The following DAB1 variants were observed in gnomAD, a reference collection of about 807,000 sequenced individuals.
DAB1 encodes the protein disabled homolog 1.
A neutral mutation model predicts 64.6 loss-of-function variants in DAB1; 15 were observed. The ratio of observed to expected loss-of-function variants is 0.23; its 90% CI spans 0.16 to 0.36. The LOEUF is 0.36. Ranked by LOEUF, DAB1 falls within the 10% of genes least tolerant of loss-of-function variation. DAB1 has a pLI of 1.00. For missense variants in DAB1, 596 were observed against 706.7 expected (o/e 0.84, Z 1.78); for synonymous variants, 235 against 251.9 (o/e 0.93, Z 0.64).
intron 5 of DAB1, among the ~76,000 whole-genome samples, chr1:57,951,332 A>ATATATATATATATATATATATATATCT (rs1491577001): frequency 3.1e-5 from 4 of 127,716 alleles, no homozygotes; most frequent in South Asian, 2.3e-4. Flanking sequence ...ATATATATAT[A>ATATATATATATATATATATATATATCT]CTTCCCTGGA....
chr1:58,541,981 G>T (rs979750630), intron 1 of DAB1, among the ~76,000 whole-genome samples: 8 of 152,098 alleles, frequency 5.3e-5, no homozygotes, highest in Non-Finnish European at 1.2e-4. Context: ...TTCAACCTAA[G>T]CTAATACGAT....
chr1:57,723,224 A>G (rs1468232638), intron 6 of DAB1, among the ~76,000 whole-genome samples: 1 of 152,188 alleles, frequency 6.6e-6, no homozygotes, highest in African/African-American at 2.4e-5. Context: ...CTGTGTGACC[A>G]CGGGCAAGTT....
chr1:57,656,650 C>T (rs1185603354), intron 6 of DAB1, among the ~76,000 whole-genome samples: 1 of 152,190 alleles, frequency 6.6e-6, no homozygotes, highest in Non-Finnish European at 1.5e-5. Context: ...TTCATAGGTA[C>T]TACAGAGTAA....
In DAB1 at chr1:57,963,630, A is replaced by C. The variant is rs188680839; in HGVS notation, n.388-79468T>G. Among the ~76,000 whole-genome samples, 430 of 152,252 alleles carry C rather than the reference A, an allele frequency of 2.8e-3. 4 individuals are homozygous for C. Among genetic ancestry groups the C allele is most frequent in the African/African-American group, 9.6e-3 (397 of 41,534 alleles). On this transcript the variant is annotated intron_variant and non_coding_transcript_variant, in intron 5 of 20. Coordinates refer to the DAB1 transcript ENST00000485760. Reference sequence around the variant, plus strand: ...ACCCTTTGAGCTGATCATTTCTCTCAATCTAGCCCAGAATCAGTCCTGAAA... The same window carrying C: ...ACCCTTTGAGCTGATCATTTCTCTCCATCTAGCCCAGAATCAGTCCTGAAA...
At chr1:57,454,299 A>G (rs938071675) in intron 7 of DAB1, among the ~76,000 whole-genome samples, 5 of 152,216 alleles carry the variant, frequency 3.3e-5, no homozygotes, top group Admixed American at 6.5e-5. Context: ...TATGGTACAT[A>G]TATACCATGG....
intron 5 of DAB1, among the ~76,000 whole-genome samples, chr1:58,042,150 A>C (rs10789058): frequency 0.46 from 69,669 of 152,064 alleles, 16,214 homozygotes; most frequent in African/African-American, 0.52. Context: ...CATAGCCATG[A>C]ACAAAGAGGA....
chr1:58,392,840 T>C (rs1453258363), intron 3 of DAB1, among the ~76,000 whole-genome samples: 1 of 152,198 alleles, frequency 6.6e-6, no homozygotes, highest in East Asian at 1.9e-4. Context: ...TTTGAGTTTG[T>C]TAGTGTTTCC....
At chr1:57,984,210 AAGAAAG>A (rs1356083914) in intron 5 of DAB1, among the ~76,000 whole-genome samples, 4 of 146,680 alleles carry the variant, frequency 2.7e-5, no homozygotes, top group African/African-American at 1.0e-4. Context: ...GAAAGAAAGA[AAGAAAG>A]AAAGAAAGAA....
chr1:57,207,862 T>C (rs1467012763), intron 2 of DAB1, among the ~76,000 whole-genome samples: 1 of 152,140 alleles, frequency 6.6e-6, no homozygotes, highest in East Asian at 1.9e-4. Context: ...TTTTTATAAG[T>C]TTAATAAAGG....
intron 5 of DAB1, among the ~76,000 whole-genome samples, chr1:57,982,933 G>A (rs777726029): frequency 2.6e-5 from 4 of 152,084 alleles, no homozygotes; most frequent in African/African-American, 4.8e-5. Context: ...TAGGTATTGC[G>A]GTTCTACTTT....
Position 57,287,006 on chromosome 1 carries a change from T to G in DAB1, c.67+3958A>C, listed in dbSNP as rs539836552. ...AAAAAGCCTATGATAAAATTCAACA[T>G]GCAAATTTAGAATTTAAAAACACTT... On this transcript the variant is annotated intron_variant, in intron 2 of 14. Coordinates refer to ENST00000371236, the MANE Select transcript of DAB1 (RefSeq NM_001365792.1). Among the ~76,000 whole-genome samples, 117 of 152,356 alleles carry G rather than the reference T, an allele frequency of 7.7e-4. No individual in the cohort carries two copies. The Middle Eastern group carries it at 0.017, about 22-fold the overall frequency.
chr1:57,327,465 T>C (rs1676264538), intron 1 of DAB1, among the ~76,000 whole-genome samples: 1 of 152,168 alleles, frequency 6.6e-6, no homozygotes, highest in African/African-American at 2.4e-5. Context: ...CCTCTCTATG[T>C]GACCTGCAAG....
At chr1:57,055,053 T>G (rs1649608713) in intron 9 of DAB1, among the ~76,000 whole-genome samples, 2 of 152,190 alleles carry the variant, frequency 1.3e-5, no homozygotes, top group Admixed American at 1.3e-4. Flanking sequence ...CCCTCCTTTC[T>G]GAAACCTCCG....
chr1:57,933,935 G>A (rs548120206), intron 5 of DAB1, among the ~76,000 whole-genome samples: 51 of 150,548 alleles, frequency 3.4e-4, no homozygotes, highest in Middle Eastern at 3.4e-3. Context: ...TCACTCTGTC[G>A]CCCAGGCTAG....
intron 4 of DAB1, among the ~76,000 whole-genome samples, chr1:57,128,061 C>T (rs957331224): frequency 3.9e-5 from 6 of 151,974 alleles, no homozygotes; most frequent in East Asian, 3.9e-4. Flanking sequence ...GCATGAGAAT[C>T]GCTTGAACCC....
chr1:57,615,382 G>A (rs1483711093), intron 7 of DAB1, among the ~76,000 whole-genome samples: 1 of 152,104 alleles, frequency 6.6e-6, no homozygotes, highest in East Asian at 1.9e-4. Flanking sequence ...TCTGCTACTT[G>A]GAACGTGGAT....
chr1:57,099,757 T>C (rs533113196), intron 4 of DAB1, among the ~76,000 whole-genome samples: 5 of 152,270 alleles, frequency 3.3e-5, no homozygotes, highest in Admixed American at 3.3e-4. Context: ...GCACTTCCCT[T>C]TGGGGTGGAG....
At chr1:57,318,732 A>C (rs1406293691) in intron 1 of DAB1, among the ~76,000 whole-genome samples, 1 of 11,956 alleles carries the variant, frequency 8.4e-5, no homozygotes, top group Middle Eastern at 0.033. Context: ...GGTAATTTGC[A>C]AAAAAAAAAA....
At chr1:58,044,096 T>C (rs1292399004) in intron 5 of DAB1, among the ~76,000 whole-genome samples, 1 of 152,216 alleles carries the variant, frequency 6.6e-6, no homozygotes, top group Non-Finnish European at 1.5e-5. Context: ...CCCTCTGTCC[T>C]TCTTTGAAAA....
Sources: gnomAD v4.1 joint callset for allele counts (sites outside exome capture counted in the v4.1 genomes callset) on GRCh38, gnomAD v4.1.1 for gene constraint, MANE v1.5 for transcripts, NCBI Gene and HGNC (gene_info 2026-07-23, HGNC 2026-07-21) for gene names.